PTPRM: variants seen among roughly 807,000 people sequenced by gnomAD.
The protein encoded by PTPRM is receptor-type tyrosine-protein phosphatase mu.
A neutral mutation model predicts 186.7 loss-of-function variants in PTPRM; 47 were observed. That is an observed-to-expected ratio of 0.25 (90% CI 0.20 to 0.32). The LOEUF (loss-of-function observed/expected upper bound fraction) is 0.32. PTPRM is among the 10% of genes least tolerant of loss of function. The probability of loss-of-function intolerance (pLI) is 1.00; values close to 1 mark genes in which losing one functional copy is unlikely to be tolerated. For missense variants in PTPRM, 1,494 were observed against 1,865.0 expected (o/e 0.80, Z 3.66); for synonymous variants, 668 against 674.9 (o/e 0.99, Z 0.16).
chr18:8,144,303 G>T (rs2092831187), intron 14 of PTPRM, among the ~76,000 whole-genome samples: 2 of 152,196 alleles, frequency 1.3e-5, no homozygotes, highest in Non-Finnish European at 2.9e-5. Context: ...AGCAGCTCGT[G>T]TTAGAACAAA....
chr18:8,299,413 C>G (rs2095131279), intron 20 of PTPRM, among the ~76,000 whole-genome samples: 1 of 151,838 alleles, frequency 6.6e-6, no homozygotes, highest in African/African-American at 2.4e-5. Context: ...ATGGTGAAAC[C>G]CTGCCTCTAC....
chr18:7,989,295 A>G lies in PTPRM; in HGVS notation c.1132+33881A>G, dbSNP rs139233877. Among the ~76,000 whole-genome samples, 1,447 of 152,258 alleles carry G rather than the reference A, an allele frequency of 9.5e-3. 7 individuals are homozygous for G. The highest frequency in any genetic ancestry group is 0.033 in the South Asian group (160 of 4,822). Reference sequence around the variant, plus strand: ...TGTACCAAACCATGGGCAGTATATCAGAGGCTTGCAGGTTCCACTGAAATT... The same window carrying G: ...TGTACCAAACCATGGGCAGTATATCGGAGGCTTGCAGGTTCCACTGAAATT... On this transcript the variant is annotated intron_variant, in intron 7 of 32. Transcript: ENST00000580170.
At chr18:8,086,286 C>G (rs1480801047) in intron 10 of PTPRM, among the ~76,000 whole-genome samples, 1 of 152,126 alleles carries the variant, frequency 6.6e-6, no homozygotes, top group Non-Finnish European at 1.5e-5. Context: ...CTTGGGATCT[C>G]TACCATAAGA....
chr18:8,100,864 C>T (rs943524039), intron 11 of PTPRM, among the ~76,000 whole-genome samples: 2 of 152,178 alleles, frequency 1.3e-5, no homozygotes, highest in African/African-American at 2.4e-5. Flanking sequence ...TTTAGTAATA[C>T]ACTTAAAATT....
At chr18:7,972,479 T>TAAAAAAAAAAAAA (rs11445031) in intron 7 of PTPRM, among the ~76,000 whole-genome samples, 3 of 44,358 alleles carry the variant, frequency 6.8e-5, no homozygotes, top group Middle Eastern at 0.02. Flanking sequence ...AAAAAAACAT[T>TAAAAAAAAAAAAA]AAAAAAAAAA....
intron 1 of PTPRM, among the ~76,000 whole-genome samples, chr18:7,581,105 G>C (rs1369288101): frequency 6.6e-6 from 1 of 152,154 alleles, no homozygotes; most frequent in Non-Finnish European, 1.5e-5. Context: ...TTTTGTAGTA[G>C]CTGGAACTTT....
intron 2 of PTPRM, among the ~76,000 whole-genome samples, chr18:7,869,068 G>A (rs1304237462): frequency 6.6e-6 from 1 of 152,190 alleles, no homozygotes; most frequent in African/African-American, 2.4e-5. Context: ...GAGCATCCCA[G>A]GTTGACTTCA....
intron 2 of PTPRM, among the ~76,000 whole-genome samples, chr18:7,887,547 C>G (rs1384673560): frequency 1.3e-5 from 2 of 152,116 alleles, no homozygotes; most frequent in African/African-American, 4.8e-5. Context: ...ATATCATGAC[C>G]CTAAGATGCA....
intron 26 of PTPRM, chr18:8,377,333 T>G (rs1287938482): frequency 2.0e-5 from 3 of 152,230 alleles, no homozygotes; most frequent in African/African-American, 7.2e-5. Context: ...TAATCCCATT[T>G]TTTTAGCTAA....
At chr18:8,390,875 T>C (rs7230120) in intron 31 of PTPRM, among the ~76,000 whole-genome samples, 10,619 of 151,336 alleles carry the variant, frequency 0.07, 424 homozygotes, top group East Asian at 0.12. Context: ...TTGCAGTGAG[T>C]CAAGATCGTG....
chr18:7,656,664 G>A (rs150567422), intron 1 of PTPRM, among the ~76,000 whole-genome samples: 15 of 152,268 alleles, frequency 9.9e-5, no homozygotes, highest in African/African-American at 3.6e-4. Context: ...GGTTTTTAGG[G>A]TAGTGAAACC....
chr18:7,899,457 G>C (rs1032413477), intron 3 of PTPRM, among the ~76,000 whole-genome samples: 5 of 152,106 alleles, frequency 3.3e-5, no homozygotes, highest in African/African-American at 1.2e-4. Context: ...TGTATTTTCT[G>C]TCAAGCCAAG....
chr18:7,749,500 T>A (rs867098310), intron 1 of PTPRM: 122 of 152,282 alleles, frequency 8.0e-4, no homozygotes, highest in African/African-American at 2.8e-3. Context: ...CGTTTTTATT[T>A]TAAGTGAGAT....
rs190918204 is a variant in PTPRM, at chr18:7,675,453, G to T, written c.74-98696G>T. ...CTTAAACTCACCAGGAGCCCACTGA[G>T]AGCCCATGTATTTAGATGGAAACAA... is the stretch of plus-strand genomic sequence containing the variant. On this transcript the variant is annotated intron_variant, in intron 1 of 32. Transcript: ENST00000580170. 2.6e-5 allele frequency among the ~76,000 whole-genome samples: 4 copies of T among 152,226 alleles called. No individual in the cohort carries two copies. In the East Asian group the frequency reaches 7.7e-4, roughly 29 times the overall value.
chr18:7,608,972 A>G (rs2037605359), intron 1 of PTPRM, among the ~76,000 whole-genome samples: 1 of 152,162 alleles, frequency 6.6e-6, no homozygotes, highest in Non-Finnish European at 1.5e-5. Context: ...TGTGCACCCC[A>G]TAAGGTCGAC....
chr18:8,346,782 T>G (rs995662581), intron 23 of PTPRM, among the ~76,000 whole-genome samples: 10 of 146,578 alleles, frequency 6.8e-5, no homozygotes, highest in South Asian at 2.2e-4. Flanking sequence ...CTACCTACTT[T>G]TACTATGAAA....
At chr18:7,634,241 T>C (rs1452798803) in intron 1 of PTPRM, among the ~76,000 whole-genome samples, 2 of 152,172 alleles carry the variant, frequency 1.3e-5, no homozygotes, top group Non-Finnish European at 2.9e-5. Flanking sequence ...GATTTTTTTT[T>C]TCCCATTTTG....
intron 1 of PTPRM, among the ~76,000 whole-genome samples, chr18:7,604,558 C>T (rs1941146): frequency 0.089 from 13,490 of 152,248 alleles, 835 homozygotes; most frequent in South Asian, 0.19. Flanking sequence ...CAAGTGGTGT[C>T]TGTGCCGGGA....
At chr18:7,578,873 T>A (rs1412470503) in intron 1 of PTPRM, among the ~76,000 whole-genome samples, 1 of 152,128 alleles carries the variant, frequency 6.6e-6, no homozygotes, top group East Asian at 1.9e-4. Context: ...GTGGTCAGAA[T>A]AAGACGGGTC....
Sources: gnomAD v4.1 joint callset for allele counts (sites outside exome capture counted in the v4.1 genomes callset) on GRCh38, gnomAD v4.1.1 for gene constraint, MANE v1.5 for transcripts, NCBI Gene and HGNC (gene_info 2026-07-23, HGNC 2026-07-21) for gene names.